The following DLGAP2 variants were observed in gnomAD, a reference collection of about 807,000 sequenced individuals.
The protein encoded by DLGAP2 is DLG associated protein 2.
In DLGAP2, 26 loss-of-function variants were observed where a neutral mutation model predicts 100.3. The ratio of observed to expected loss-of-function variants is 0.26; its 90% CI spans 0.19 to 0.36. DLGAP2 has a LOEUF of 0.36. Ranked by LOEUF, DLGAP2 falls within the 10% of genes least tolerant of loss-of-function variation. The pLI is 1.00. For synonymous variants in DLGAP2, 886 were observed against 630.1 expected, an observed-to-expected ratio of 1.41 and a Z score of -6.08; for missense variants, 1,858 against 1,453.2, an observed-to-expected ratio of 1.28 and a Z score of -4.53.
chr8:1,005,052 C>G (rs1262716939), intron 2 of DLGAP2, among the ~76,000 whole-genome samples: 1 of 152,174 alleles, frequency 6.6e-6, no homozygotes, highest in Non-Finnish European at 1.5e-5. Flanking sequence ...GAAGAGCACA[C>G]AGAAACTCTG....
chr8:788,362 A>G (rs1327483536), intron 1 of DLGAP2, among the ~76,000 whole-genome samples: 1 of 152,142 alleles, frequency 6.6e-6, no homozygotes, highest in Non-Finnish European at 1.5e-5. Context: ...AGGCCTCGGC[A>G]TCTGTGTCCA....
intron 8 of DLGAP2, among the ~76,000 whole-genome samples, chr8:1,654,010 G>A (rs995734923): frequency 3.3e-5 from 5 of 152,166 alleles, no homozygotes; most frequent in African/African-American, 1.2e-4. Flanking sequence ...TTAGTTGACG[G>A]ATCAATGTCT....
chr8:1,266,854 G>A (rs1370680289), intron 3 of DLGAP2, among the ~76,000 whole-genome samples: 1 of 152,082 alleles, frequency 6.6e-6, no homozygotes, highest in Non-Finnish European at 1.5e-5. Context: ...CTTCTGCTTG[G>A]ATAATGAATG....
At chr8:1,254,669 G>A (rs927780577) in intron 2 of DLGAP2, among the ~76,000 whole-genome samples, 3 of 150,678 alleles carry the variant, frequency 2.0e-5, no homozygotes, top group Admixed American at 6.5e-5. Flanking sequence ...GTATGACTCA[G>A]TGGTGTCTTT....
At chr8:1,080,866 T>C (rs1439498749) in intron 2 of DLGAP2, among the ~76,000 whole-genome samples, 1 of 152,244 alleles carries the variant, frequency 6.6e-6, no homozygotes, top group Non-Finnish European at 1.5e-5. Flanking sequence ...GGACATTTAC[T>C]GTATTAAATA....
intron 6 of DLGAP2, among the ~76,000 whole-genome samples, chr8:1,574,182 A>G (rs769651597): frequency 4.6e-5 from 7 of 152,156 alleles, no homozygotes; most frequent in Non-Finnish European, 7.3e-5. Context: ...TTCATGTTGA[A>G]TGCCAACTCT....
intron 6 of DLGAP2, among the ~76,000 whole-genome samples, chr8:1,610,863 C>T (rs1463345550): frequency 2.1e-5 from 3 of 140,010 alleles, no homozygotes; most frequent in Non-Finnish European, 3.0e-5. Flanking sequence ...TCTGAATAGA[C>T]CAATAACAGG....
chr8:1,516,391 ATGAG>A (rs999169538), intron 4 of DLGAP2, among the ~76,000 whole-genome samples: 8 of 148,274 alleles, frequency 5.4e-5, no homozygotes, highest in African/African-American at 1.8e-4. Context: ...GACTGAGTGA[ATGAG>A]TGGGTGACTG....
intron 1 of DLGAP2, among the ~76,000 whole-genome samples, chr8:806,590 T>C (rs1387140396): frequency 6.6e-6 from 1 of 152,134 alleles, no homozygotes; most frequent in East Asian, 1.9e-4. Flanking sequence ...CGAACAGGTG[T>C]ACCCGGAACA....
At position 1,241,211 on chromosome 8, in the gene DLGAP2, A is replaced by G. The variant is rs62487818; in HGVS notation, c.74-17640A>G. On this transcript the variant is annotated intron_variant, in intron 2 of 14. Coordinates refer to ENST00000637795, the MANE Select transcript of DLGAP2 (RefSeq NM_001346810.2). ...GTTCTCTCACATGGAGCCATGTCTA[A>G]TTCTCTCACATGGCGCCGTGTCTAG... Among the ~76,000 whole-genome samples the G allele has an allele frequency of 7.0e-3, 72 of 10,228 alleles. 1 individual carries two copies. The highest frequency in any genetic ancestry group is 8.9e-3 in the Admixed American group (6 of 672). The allele number at this position is 10,228 out of a possible 152,430, so 6.7% of individuals were successfully genotyped here.
chr8:1,693,658 T>A (rs1799309215), intron 13 of DLGAP2, among the ~76,000 whole-genome samples: 1 of 152,180 alleles, frequency 6.6e-6, no homozygotes, highest in Non-Finnish European at 1.5e-5. Context: ...AGAGTTGCCA[T>A]CTCATGTCTT....
intron 2 of DLGAP2, among the ~76,000 whole-genome samples, chr8:1,201,791 CA>C (rs1400688074): frequency 6.6e-6 from 1 of 152,222 alleles, no homozygotes; most frequent in African/African-American, 2.4e-5. Flanking sequence ...CGCAGACACA[CA>C]GCGGTGCCTC....
chr8:1,169,188 T>C (rs552337567), intron 2 of DLGAP2, among the ~76,000 whole-genome samples: 15 of 152,214 alleles, frequency 9.9e-5, no homozygotes, highest in African/African-American at 3.6e-4. Flanking sequence ...GATCAGATGG[T>C]TGTAGATATG....
chr8:1,102,728 A>C (rs1585061210), intron 2 of DLGAP2, among the ~76,000 whole-genome samples: 3 of 152,080 alleles, frequency 2.0e-5, no homozygotes, highest in Admixed American at 6.5e-5. Flanking sequence ...TTGCGTCTGC[A>C]CTCAGGAGCC....
intron 3 of DLGAP2, among the ~76,000 whole-genome samples, chr8:1,387,058 A>C (rs12680701): frequency 0.24 from 36,790 of 152,086 alleles, 4,848 homozygotes; most frequent in East Asian, 0.3. Context: ...AAAGAGGGGA[A>C]CTAGATAACG....
At chr8:1,172,076 C>T (rs868823441) in intron 2 of DLGAP2, among the ~76,000 whole-genome samples, 23 of 151,974 alleles carry the variant, frequency 1.5e-4, no homozygotes, top group African/African-American at 4.8e-4. Context: ...TAGGGCAGGC[C>T]TGGTGGTGAC....
intron 2 of DLGAP2, among the ~76,000 whole-genome samples, chr8:1,081,135 A>G (rs762911710): frequency 9.2e-5 from 14 of 152,288 alleles, no homozygotes; most frequent in Non-Finnish European, 1.6e-4. Context: ...TGAACGTGCC[A>G]CCTTTCTTAC....
intron 3 of DLGAP2, among the ~76,000 whole-genome samples, chr8:1,345,902 G>C (rs550243400): frequency 6.6e-6 from 1 of 152,184 alleles, no homozygotes; most frequent in East Asian, 1.9e-4. Context: ...AGCAAACTCG[G>C]GGACGTGAAG....
At chr8:1,064,026 A>G (rs1311079532) in intron 2 of DLGAP2, among the ~76,000 whole-genome samples, 2 of 152,132 alleles carry the variant, frequency 1.3e-5, no homozygotes, top group Non-Finnish European at 2.9e-5. Context: ...CCAGAAGAGC[A>G]GTTAGGAGAT....
Sources: gnomAD v4.1 joint callset for allele counts (sites outside exome capture counted in the v4.1 genomes callset) on GRCh38, gnomAD v4.1.1 for gene constraint, MANE v1.5 for transcripts, NCBI Gene and HGNC (gene_info 2026-07-23, HGNC 2026-07-21) for gene names.